The following MPPED1 variants were observed in gnomAD, a reference collection of about 807,000 sequenced individuals.
The protein encoded by MPPED1 is metallophosphoesterase domain containing 1.
In MPPED1, 16 loss-of-function variants were observed where a neutral mutation model predicts 36.2. That is an observed-to-expected ratio of 0.44 (90% CI 0.30 to 0.67). MPPED1 has a LOEUF of 0.67. Ranked by LOEUF, MPPED1 falls within the 30% of genes least tolerant of loss-of-function variation. MPPED1 has a pLI of 0.10. For missense variants in MPPED1, 307 were observed against 453.4 expected (o/e 0.68, Z 2.93); for synonymous variants, 199 against 191.3 (o/e 1.04, Z -0.33).
At chr22:43,453,923 G>T (rs1930661742) in intron 3 of MPPED1, among the ~76,000 whole-genome samples, 1 of 152,160 alleles carries the variant, frequency 6.6e-6, no homozygotes, top group Admixed American at 6.5e-5. Flanking sequence ...AAATGGAAAT[G>T]ATCCATTAAA....
intron 3 of MPPED1, among the ~76,000 whole-genome samples, chr22:43,435,897 G>A (rs1413733930): frequency 6.6e-6 from 1 of 152,180 alleles, no homozygotes; most frequent in Non-Finnish European, 1.5e-5. Flanking sequence ...GAATGGCTGA[G>A]TGGGTGAATG....
chr22:43,507,769 G>A lies in MPPED1; in HGVS notation c.*2153G>A, dbSNP rs188007280. 1.3e-5 allele frequency: 2 copies of A among 151,376 alleles called. No homozygotes were observed. Among genetic ancestry groups the A allele is most frequent in the African/African-American group, 4.9e-5 (2 of 41,182 alleles). The allele number at this position is 151,376 out of a possible 1,614,324, so 9.4% of individuals were successfully genotyped here. A position where few individuals can be genotyped will look rare whatever the true frequency, so the allele number is the denominator to read the frequency against. On this transcript the variant is annotated 3_prime_UTR_variant, in exon 7 of 7. Coordinates refer to ENST00000443721, the MANE Select transcript of MPPED1 (RefSeq NM_001044370.2). ...GACGGCGTGCTTCTCAATCATTTTG[G>A]CATAACTTGATTGTGGCTGTAATTT...
intron 3 of MPPED1, among the ~76,000 whole-genome samples, chr22:43,450,407 A>G (rs947462368): frequency 1.3e-5 from 2 of 152,228 alleles, no homozygotes; most frequent in African/African-American, 4.8e-5. Flanking sequence ...TGAGGATTGA[A>G]TAAGGCATTG....
At chr22:43,464,955 C>T (rs545945769) in intron 3 of MPPED1, among the ~76,000 whole-genome samples, 1 of 152,210 alleles carries the variant, frequency 6.6e-6, no homozygotes, top group Non-Finnish European at 1.5e-5. Flanking sequence ...TATACAAGGG[C>T]CCCTTGGTTC....
chr22:43,490,822 A>T (rs1932058335), intron 4 of MPPED1, among the ~76,000 whole-genome samples: 1 of 152,150 alleles, frequency 6.6e-6, no homozygotes, highest in Non-Finnish European at 1.5e-5. Flanking sequence ...CACCTTACCC[A>T]TTCCCCCTAC....
intron 3 of MPPED1, among the ~76,000 whole-genome samples, chr22:43,452,190 G>C (rs1930594870): frequency 6.6e-6 from 1 of 151,828 alleles, no homozygotes; most frequent in Admixed American, 6.6e-5. Flanking sequence ...GCTAATTTTT[G>C]TATTTTTAGT....
At position 43,415,415 on chromosome 22, in the gene MPPED1, T is replaced by G. The variant is rs1434481609; in HGVS notation, c.-79+3257T>G. ...AAATGTTTTACTTTATTTTGACTTT[T>G]TTCCCCCTAATGAGACAAGACTTAG... On this transcript the variant is annotated intron_variant, in intron 1 of 6. Coordinates refer to ENST00000443721, the MANE Select transcript of MPPED1 (RefSeq NM_001044370.2). Among the ~76,000 whole-genome samples the G allele has an allele frequency of 2.0e-5, 3 of 152,232 alleles. No homozygotes were observed. In the South Asian group the frequency reaches 6.2e-4, roughly 32 times the overall value.
intron 3 of MPPED1, among the ~76,000 whole-genome samples, chr22:43,459,570 T>G (rs1008726718): frequency 3.9e-5 from 6 of 152,244 alleles, no homozygotes; most frequent in Non-Finnish European, 5.9e-5. Flanking sequence ...TGTCTTCAGG[T>G]TTGCTCATTC....
Position 43,424,965 on chromosome 22 carries a change from C to T in MPPED1, c.-21C>T, listed in dbSNP as rs746196123. On this transcript the variant is annotated 5_prime_UTR_variant, in exon 2 of 7. Transcript: ENST00000443721. ...CGGTGGCGGCAGCGGTGGGAGATGCCGGGGCGGCCGGCGGAGGTCCATGTG... is the reference window on the plus strand; with the variant it reads ...CGGTGGCGGCAGCGGTGGGAGATGCTGGGGCGGCCGGCGGAGGTCCATGTG... 20 of 1,559,680 alleles carry T rather than the reference C, an allele frequency of 1.3e-5. No homozygotes were observed. The highest frequency in any genetic ancestry group is 9.5e-5 in the African/African-American group (7 of 73,424).
chr22:43,441,472 T>C (rs1369562131), intron 3 of MPPED1, among the ~76,000 whole-genome samples: 1 of 152,102 alleles, frequency 6.6e-6, no homozygotes, highest in East Asian at 1.9e-4. Flanking sequence ...TCAGCACGGG[T>C]CCTCAGAGCC....
Position 43,507,398 on chromosome 22 carries a change from CCCTGGAAG to C in MPPED1, c.*1788_*1795del, listed in dbSNP as rs1398494011. The C allele has an allele frequency of 6.6e-6, 1 of 152,232 alleles. No individual in the cohort carries two copies. Among genetic ancestry groups the C allele is most frequent in the Non-Finnish European group, 1.5e-5 (1 of 68,078 alleles). 9.4% of individuals were successfully genotyped at this position (152,232 alleles called of 1,614,324 possible). On this transcript the variant is annotated 3_prime_UTR_variant, in exon 7 of 7. Transcript: ENST00000443721. ...GCTCCTCGAGGGGTGGGGCTGCTGT[CCCTGGAAG>C]CCTGGCAGCAGCACTGTATCGGGTT...
intron 5 of MPPED1, among the ~76,000 whole-genome samples, chr22:43,501,926 C>A (rs2146928050): frequency 6.6e-6 from 1 of 152,088 alleles, no homozygotes; most frequent in African/African-American, 2.4e-5. Flanking sequence ...TTCCCCTGTC[C>A]CCTTCTTGGC....
At chr22:43,454,299 G>A (rs1423270605) in intron 3 of MPPED1, among the ~76,000 whole-genome samples, 1 of 151,336 alleles carries the variant, frequency 6.6e-6, no homozygotes, top group East Asian at 2.0e-4. Context: ...ATGAGCCACT[G>A]TACCCAGCCT....
At chr22:43,412,274 G>T (rs890050804) in intron 1 of MPPED1, 116 bp downstream of exon 1, 22 of 655,272 alleles carry the variant, frequency 3.4e-5, no homozygotes, top group African/African-American at 9.9e-5. Context: ...AGGGGCGCCC[G>T]CAAAGTTACT....
intron 3 of MPPED1, among the ~76,000 whole-genome samples, chr22:43,453,301 G>C (rs1930637556): frequency 6.7e-6 from 1 of 149,904 alleles, no homozygotes; most frequent in Non-Finnish European, 1.5e-5. Flanking sequence ...AAAGAACATC[G>C]CTATGGGCCG....
At chr22:43,442,527 T>C (rs73167924) in intron 3 of MPPED1, among the ~76,000 whole-genome samples, 3,113 of 152,224 alleles carry the variant, frequency 0.02, 50 homozygotes, top group Non-Finnish European at 0.031. Context: ...TGCTCCTGCC[T>C]CCGGGAGGTG....
intron 4 of MPPED1, among the ~76,000 whole-genome samples, chr22:43,497,961 C>A (rs1943831439): frequency 3.7e-5 from 5 of 134,316 alleles, no homozygotes; most frequent in Admixed American, 7.3e-5. Flanking sequence ...ATTTAGCTTT[C>A]TTTTTTTTTT....
chr22:43,467,928 TGGGTAAGTGTTAGCGATAAA>T (rs1412473962), intron 3 of MPPED1, among the ~76,000 whole-genome samples: 2 of 152,106 alleles, frequency 1.3e-5, no homozygotes, highest in Non-Finnish European at 2.9e-5. Flanking sequence ...TTAAATGGGA[TGGGTAAGTGTTAGCGATAAA>T]GAATTGTACC....
chr22:43,478,740 T>G (rs1038610274), intron 4 of MPPED1, among the ~76,000 whole-genome samples: 1 of 152,110 alleles, frequency 6.6e-6, no homozygotes, highest in Non-Finnish European at 1.5e-5. Flanking sequence ...CCCAGGTCCC[T>G]GGGTCCCCGG....
Sources: allele counts gnomAD v4.1 joint callset (sites outside exome capture counted in the v4.1 genomes callset), GRCh38; gene constraint gnomAD v4.1.1; transcripts MANE v1.5; gene names NCBI Gene and HGNC (gene_info 2026-07-23, HGNC 2026-07-21).